Variants in ADAMTSL2 observed in about 807,000 individuals in gnomAD.
ADAMTSL2 encodes ADAMTS like 2.
A neutral mutation model predicts 117.0 loss-of-function variants in ADAMTSL2; 55 were observed. The observed-to-expected ratio is 0.47, with a 90% CI of 0.38 to 0.59. The LOEUF is 0.59. Ranked by LOEUF, ADAMTSL2 falls within the 20% of genes least tolerant of loss-of-function variation. The pLI, the probability that ADAMTSL2 is intolerant of heterozygous loss-of-function variation, is 0.00. For synonymous variants in ADAMTSL2, 572 were observed against 566.4 expected (o/e 1.01, Z -0.14); for missense variants, 1,182 against 1,354.5 (o/e 0.87, Z 2.00).
chr9:133,562,472 G>A (rs1484989526), intron 12 of ADAMTSL2, among the ~76,000 whole-genome samples: 2 of 147,242 alleles, frequency 1.4e-5, no homozygotes, highest in Admixed American at 1.3e-4. Flanking sequence ...CGTGGGCGGC[G>A]TGGCGGGCAC....
intron 17 of ADAMTSL2, 126 bp from the exon 18 acceptor site, chr9:133,573,717 T>C: frequency 3.4e-6 from 4 of 1,189,948 alleles, no homozygotes; most frequent in East Asian, 2.5e-5. Context: ...CCTGTGTCAG[T>C]TGGGACTCAT....
At chr9:133,560,658 C>T (rs1830705720) in intron 11 of ADAMTSL2, among the ~76,000 whole-genome samples, 2 of 152,236 alleles carry the variant, frequency 1.3e-5, no homozygotes, top group African/African-American at 2.4e-5. Flanking sequence ...ACTGTAGGCT[C>T]GGCCCCTGCC....
At chr9:133,564,368 G>C (rs1588304172) in intron 12 of ADAMTSL2, among the ~76,000 whole-genome samples, 6 of 57,182 alleles carry the variant, frequency 1.0e-4, no homozygotes, top group African/African-American at 4.7e-4. Flanking sequence ...GAGAGAGGGA[G>C]AGAGAGGGAG....
intron 9 of ADAMTSL2, among the ~76,000 whole-genome samples, chr9:133,551,395 T>C (rs987412648): frequency 4.6e-5 from 7 of 152,168 alleles, no homozygotes; most frequent in African/African-American, 1.7e-4. Context: ...CACAGCTTTG[T>C]CGTACCCTCT....
chr9:133,554,770 A>C lies in ADAMTSL2; in HGVS notation c.1276+77A>C. 7.6e-7 allele frequency: 1 copy of C among 1,314,098 alleles called. No homozygotes were observed. The highest frequency in any genetic ancestry group is 1.5e-5 in the South Asian group (1 of 64,940). The allele number at this position is 1,314,098 out of a possible 1,614,324, so 81.4% of individuals were successfully genotyped here. ...AAGGGGGCCTTGGGGAAGGGGTCTC[A>C]GACCCTTTGCAGACCTGCAGAGGAG... is the stretch of plus-strand genomic sequence containing the variant. On this transcript the variant is annotated intron_variant, in intron 10 of 18. Coordinates refer to ENST00000651351, the MANE Select transcript of ADAMTSL2 (RefSeq NM_014694.4). This position sits in a 1 kb window ranked among gnomAD's most constrained non-coding sequence, Gnocchi z 5.2.
rs560920504 is a variant in ADAMTSL2 at position 133,539,611 on chromosome 9, C to T, written c.310-160C>T. ...TCCCTCCTGAGAGCGCATGGGAGCGCGCAGGAGCCCTAGAGGCCACCCCGT... is the reference window on the plus strand; with the variant it reads ...TCCCTCCTGAGAGCGCATGGGAGCGTGCAGGAGCCCTAGAGGCCACCCCGT... On this transcript the variant is annotated intron_variant, in intron 4 of 18. Coordinates refer to ENST00000651351, the MANE Select transcript of ADAMTSL2 (RefSeq NM_014694.4). Among the ~76,000 whole-genome samples the T allele has an allele frequency of 1.9e-4, 16 of 85,226 alleles. No homozygotes were observed. The East Asian group carries it at 1.9e-3, about 10-fold the overall frequency. 55.9% of individuals were successfully genotyped at this position (85,226 alleles called of 152,430 possible).
At chr9:133,572,035 G>C (rs1396848284) in intron 17 of ADAMTSL2, among the ~76,000 whole-genome samples, 1 of 152,196 alleles carries the variant, frequency 6.6e-6, no homozygotes, top group Non-Finnish European at 1.5e-5. Flanking sequence ...TCAAGGCAGA[G>C]AGTCCAAGAG....
chr9:133,542,184 G>T (rs1830240363), intron 7 of ADAMTSL2, among the ~76,000 whole-genome samples: 1 of 152,236 alleles, frequency 6.6e-6, no homozygotes, highest in Non-Finnish European at 1.5e-5. Flanking sequence ...GGTGCCAGTG[G>T]GAGGGCACTG....
At chr9:133,560,928 C>T (rs1271265338) in intron 11 of ADAMTSL2, among the ~76,000 whole-genome samples, 1 of 152,208 alleles carries the variant, frequency 6.6e-6, no homozygotes, top group South Asian at 2.1e-4. Flanking sequence ...CCCTCCCCTC[C>T]GGAAGGAGCT....
At chr9:133,560,124 C>CT (rs1270697359) in intron 11 of ADAMTSL2, among the ~76,000 whole-genome samples, 3 of 152,212 alleles carry the variant, frequency 2.0e-5, no homozygotes, top group Admixed American at 1.3e-4. Context: ...ATATAATGCT[C>CT]TAAGCCTGAC....
intron 12 of ADAMTSL2, among the ~76,000 whole-genome samples, chr9:133,564,613 A>G (rs1264988063): frequency 2.2e-4 from 11 of 49,312 alleles, no homozygotes; most frequent in Admixed American, 3.3e-4. Flanking sequence ...AGAGGGAGAG[A>G]GAGAGAGAGA....
chr9:133,537,654 T>C (rs1352785711), intron 3 of ADAMTSL2, 107 bp downstream of exon 3: 2 of 1,211,098 alleles, frequency 1.7e-6, no homozygotes, highest in East Asian at 6.1e-5. Context: ...CTGGGAGGGC[T>C]CTCGGGTTGG....
At position 133,555,814 on chromosome 9, in the gene ADAMTSL2, C is replaced by T. The variant is rs1002225798; in HGVS notation, c.1533C>T (p.Asn511=). The change falls in exon 11 of 19, where the codon AAC becomes AAT. Residue 511 remains asparagine, a synonymous_variant. Coordinates refer to ENST00000651351, the MANE Select transcript of ADAMTSL2 (RefSeq NM_014694.4). ...AGGGGGCTGGCCCTTACCTGCTCAA[C>T]GGGTCCTACCTGGAGCTGAGCAGCG... is the stretch of plus-strand genomic sequence containing the variant. The part of the protein sequence containing the change: ...ENEGAGPYLL[N]GSYLELSSDR... The T allele has an allele frequency of 2.7e-5, 43 of 1,613,842 alleles. No individual in the cohort carries two copies. The highest frequency in any genetic ancestry group is 1.3e-4 in the African/African-American group (10 of 75,080).
intron 8 of ADAMTSL2, among the ~76,000 whole-genome samples, chr9:133,546,171 C>A (rs1209225642): frequency 2.6e-5 from 4 of 152,204 alleles, no homozygotes; most frequent in African/African-American, 9.6e-5. Flanking sequence ...TCTCCATGGC[C>A]CCAGGGAGGA....
chr9:133,564,392 GA>G (rs1830880354), intron 12 of ADAMTSL2, among the ~76,000 whole-genome samples: 1 of 74,814 alleles, frequency 1.3e-5, no homozygotes. Context: ...GAGGGAGAGA[GA>G]GAGGGAGAGA....
chr9:133,564,099 A>G (rs1830842655), intron 12 of ADAMTSL2, among the ~76,000 whole-genome samples: 1 of 51,906 alleles, frequency 1.9e-5, no homozygotes, highest in Non-Finnish European at 3.9e-5. Flanking sequence ...AGAGGGAGAG[A>G]GAGAGAGAGA....
chr9:133,534,542 A>G (rs1252115069), upstream of ADAMTSL2: 1 of 805,634 alleles, frequency 1.2e-6, no homozygotes, highest in Non-Finnish European at 1.7e-6. Flanking sequence ...GCAGCAGCCA[A>G]CAGGCAGCTG....
chr9:133,565,654 T>C (rs1340302469), intron 12 of ADAMTSL2, among the ~76,000 whole-genome samples: 1 of 152,242 alleles, frequency 6.6e-6, no homozygotes, highest in Non-Finnish European at 1.5e-5. Flanking sequence ...CTTCCCAGGC[T>C]GTTTCGTTCC....
upstream of ADAMTSL2, among the ~76,000 whole-genome samples, chr9:133,533,342 C>A (rs1829980646): frequency 6.6e-6 from 1 of 152,126 alleles, no homozygotes; most frequent in South Asian, 2.1e-4. Flanking sequence ...TCCCAGTTGC[C>A]CCAGCAGGAG....
Sources: gnomAD v4.1 joint callset for allele counts (sites outside exome capture counted in the v4.1 genomes callset) on GRCh38, gnomAD v4.1.1 for gene constraint, Gnocchi (gnomAD v3.1) non-coding constraint, MANE v1.5 for transcripts, NCBI Gene and HGNC (gene_info 2026-07-23, HGNC 2026-07-21) for gene names.